The following SLCO3A1 variants were observed in gnomAD, a reference collection of about 807,000 sequenced individuals.
SLCO3A1 encodes solute carrier organic anion transporter family member 3A1, also known as PGE1 transporter.
SLCO3A1 carries 27 observed loss-of-function variants against 63.1 expected under a neutral mutation model. The ratio of observed to expected loss-of-function variants is 0.43; its 90% CI spans 0.32 to 0.59. The LOEUF is 0.59. Ranked by LOEUF, SLCO3A1 falls within the 20% of genes least tolerant of loss-of-function variation. SLCO3A1 has a pLI of 0.09. For missense variants in SLCO3A1, 773 were observed against 945.8 expected (o/e 0.82, Z 2.40); for synonymous variants, 473 against 409.9 (o/e 1.15, Z -1.86).
rs2151440973 is a variant in SLCO3A1 at position 91,987,596 on chromosome 15, A to T, written c.646+71138A>T. On this transcript the variant is annotated intron_variant, in intron 2 of 9. Coordinates refer to ENST00000318445, the MANE Select transcript of SLCO3A1 (RefSeq NM_013272.4). The stretch of plus-strand genomic sequence containing the variant: ...GTCTCTACTAGAAGCTACAAAAATT[A>T]GCCGGGTGTGGTGGCGGGCACCTGT... Among the ~76,000 whole-genome samples the T allele has an allele frequency of 1.3e-5, 2 of 152,178 alleles. 1 individual carries two copies. The highest frequency in any genetic ancestry group is 4.2e-4 in the South Asian group (2 of 4,814).
intron 2 of SLCO3A1, among the ~76,000 whole-genome samples, chr15:92,015,075 C>T (rs1244378152): frequency 1.3e-5 from 2 of 152,128 alleles, no homozygotes; most frequent in African/African-American, 2.4e-5. Flanking sequence ...GCAGGGGCAC[C>T]ACCATTTCTA....
intron 1 of SLCO3A1, among the ~76,000 whole-genome samples, chr15:91,881,775 C>G (rs75463333): frequency 2.6e-5 from 4 of 152,150 alleles, no homozygotes; most frequent in African/African-American, 7.2e-5. Context: ...AAGGGAAACA[C>G]GAACACATAC....
intron 2 of SLCO3A1, among the ~76,000 whole-genome samples, chr15:92,065,324 G>A (rs945531199): frequency 6.6e-6 from 1 of 152,122 alleles, no homozygotes; most frequent in African/African-American, 2.4e-5. Context: ...CTGACCTGAG[G>A]TGATCCACCT....
At chr15:91,953,831 C>T (rs1303070889) in intron 2 of SLCO3A1, among the ~76,000 whole-genome samples, 1 of 152,132 alleles carries the variant, frequency 6.6e-6, no homozygotes, top group Non-Finnish European at 1.5e-5. Flanking sequence ...ATCCGAACAC[C>T]CGTCTCCATC....
chr15:92,016,101 A>G (rs542505982), intron 2 of SLCO3A1, among the ~76,000 whole-genome samples: 1 of 151,728 alleles, frequency 6.6e-6, no homozygotes, highest in South Asian at 2.1e-4. Context: ...GAAGAGAGTT[A>G]GACATTCTGG....
intron 2 of SLCO3A1, among the ~76,000 whole-genome samples, chr15:91,925,662 G>T (rs564168677): frequency 1.6e-4 from 24 of 152,074 alleles, no homozygotes; most frequent in Non-Finnish European, 2.9e-4. Context: ...GAGAGAAGTG[G>T]ACTGAGAGAA....
At chr15:91,880,145 C>G (rs1279860562) in intron 1 of SLCO3A1, among the ~76,000 whole-genome samples, 1 of 149,324 alleles carries the variant, frequency 6.7e-6, no homozygotes, top group Non-Finnish European at 1.5e-5. Flanking sequence ...ATCCATCCAT[C>G]CATCCATCCA....
chr15:91,864,459 C>T (rs1407727851), intron 1 of SLCO3A1, among the ~76,000 whole-genome samples: 1 of 149,182 alleles, frequency 6.7e-6, no homozygotes, highest in Non-Finnish European at 1.5e-5. Flanking sequence ...GGGGAAAAAT[C>T]ACTTCTCTTA....
intron 2 of SLCO3A1, among the ~76,000 whole-genome samples, chr15:91,972,134 T>C (rs1900899442): frequency 6.6e-6 from 1 of 152,146 alleles, no homozygotes; most frequent in African/African-American, 2.4e-5. Flanking sequence ...GGGTTTTATG[T>C]AGAGCTCTAT....
At position 91,959,100 on chromosome 15, in the gene SLCO3A1, C is replaced by T. The variant is rs996431313; in HGVS notation, c.646+42642C>T. ...AATACTACTCAACCATAAAAAGGAA[C>T]GAAATAATGTATTTTGCAGCAACTT... On this transcript the variant is annotated intron_variant, in intron 2 of 9. Transcript: ENST00000318445. Among the ~76,000 whole-genome samples, 9 of 152,160 alleles carry T rather than the reference C, an allele frequency of 5.9e-5. No individual in the cohort carries two copies. The South Asian group carries it at 1.2e-3, about 21-fold the overall frequency.
chr15:91,959,565 C>G (rs1240234279), intron 2 of SLCO3A1, among the ~76,000 whole-genome samples: 1 of 151,306 alleles, frequency 6.6e-6, no homozygotes, highest in African/African-American at 2.4e-5. Flanking sequence ...CCCCATCTCT[C>G]CTAAAAATAC....
intron 2 of SLCO3A1, among the ~76,000 whole-genome samples, chr15:91,936,549 G>T (rs189180743): frequency 3.3e-5 from 5 of 152,272 alleles, no homozygotes; most frequent in African/African-American, 7.2e-5. Context: ...TGATGACTGC[G>T]TGTTTTATTT....
chr15:92,151,103 G>A (rs1057507452), intron 9 of SLCO3A1, 89 bp downstream of exon 9: 2 of 923,396 alleles, frequency 2.2e-6, no homozygotes, highest in South Asian at 3.1e-5. Context: ...CATTTCCTAG[G>A]TCTGTCTCTT....
Position 92,146,971 on chromosome 15 carries a change from G to A in SLCO3A1, c.1513-13G>A, listed in dbSNP as rs763830468. 7 of 1,599,760 alleles carry A rather than the reference G, an allele frequency of 4.4e-6. No individual in the cohort carries two copies. Among genetic ancestry groups the A allele is most frequent in the East Asian group, 2.2e-5 (1 of 44,750 alleles). On this transcript the variant is annotated splice_polypyrimidine_tract_variant and intron_variant, in intron 7 of 9. Transcript: ENST00000318445. Reference sequence around the variant, plus strand: ...GTACCCCCAGATAAAAGGGCTGAACGCTTCCCTTTCAGAATCTCACGGGCT... The same window carrying A: ...GTACCCCCAGATAAAAGGGCTGAACACTTCCCTTTCAGAATCTCACGGGCT...
chr15:92,085,125 G>A (rs2047389939), intron 2 of SLCO3A1, among the ~76,000 whole-genome samples: 1 of 152,176 alleles, frequency 6.6e-6, no homozygotes, highest in Admixed American at 6.5e-5. Context: ...GAGGCTGAGG[G>A]GGCTCCCCAG....
intron 2 of SLCO3A1, among the ~76,000 whole-genome samples, chr15:91,943,616 G>T (rs1257017183): frequency 6.6e-6 from 1 of 152,098 alleles, no homozygotes; most frequent in Non-Finnish European, 1.5e-5. Flanking sequence ...GGAAATGCTG[G>T]ATTATATGGT....
chr15:91,932,274 A>G (rs1899262498), intron 2 of SLCO3A1, among the ~76,000 whole-genome samples: 2 of 152,276 alleles, frequency 1.3e-5, no homozygotes, highest in Admixed American at 6.5e-5. Flanking sequence ...ATTTTTTGTC[A>G]TCATGGAAAA....
At chr15:92,147,987 C>T (rs901933874) in intron 8 of SLCO3A1, among the ~76,000 whole-genome samples, 6 of 152,118 alleles carry the variant, frequency 3.9e-5, no homozygotes, top group Non-Finnish European at 5.9e-5. Context: ...GAGGCCAAGG[C>T]TGGAGGATCG....
Position 91,862,718 on chromosome 15 carries a change from G to A in SLCO3A1, c.180+8630G>A, listed in dbSNP as rs1212640976. 6.6e-6 allele frequency among the ~76,000 whole-genome samples: 1 copy of A among 152,146 alleles called. No individual in the cohort carries two copies. Among genetic ancestry groups the A allele is most frequent in the Non-Finnish European group, 1.5e-5 (1 of 68,032 alleles). On this transcript the variant is annotated intron_variant, in intron 1 of 9. Transcript: ENST00000318445. The surrounding 1 kb of genome is among the most constrained non-coding windows in gnomAD (Gnocchi z 4.0). ...ATAGTTCCGGAGAAAATAATAGAAG[G>A]CAAACTAAATCCCTGCTCACAAAAC... is the stretch of plus-strand genomic sequence containing the variant.
Sources: gnomAD v4.1 joint callset for allele counts (sites outside exome capture counted in the v4.1 genomes callset) on GRCh38, gnomAD v4.1.1 for gene constraint, Gnocchi (gnomAD v3.1) non-coding constraint, MANE v1.5 for transcripts, NCBI Gene and HGNC (gene_info 2026-07-23, HGNC 2026-07-21) for gene names.